Variants in WDR72 observed in about 807,000 individuals in gnomAD.
The protein encoded by WDR72 is WD repeat domain 72.
WDR72 carries 120 observed loss-of-function variants against 124.2 expected under a neutral mutation model. The observed-to-expected ratio is 0.97, with a 90% CI of 0.83 to 1.12. The LOEUF is 1.12. Ranked by LOEUF, WDR72 falls within the 50% of genes most tolerant of loss-of-function variation. WDR72 has a pLI of 0.00. For missense variants in WDR72, 1,387 were observed against 1,278.8 expected (o/e 1.08, Z -1.29); for synonymous variants, 452 against 441.7 (o/e 1.02, Z -0.29).
rs1350419918 is a variant in WDR72 at position 53,665,629 on chromosome 15, G to T, written c.1905C>A (p.Ser635Arg). The change falls in exon 14 of 20, where the codon AGC (serine) becomes AGA (arginine). Residue 635 changes from serine (S) to arginine (R), a missense_variant. Transcript: ENST00000360509. The part of the protein sequence containing the change: ...KHKSIEQRSS[S>R]PYQLGPLPCP... ...AAGGTAATGGCCCAAGCTGGTAGGG[G>T]CTGGAGGATCTCTGTTCTATACTTT... The T allele has an allele frequency of 1.2e-6, 2 of 1,613,824 alleles. No homozygotes were observed. Among genetic ancestry groups the T allele is most frequent in the Non-Finnish European group, 1.7e-6 (2 of 1,179,884 alleles).
At chr15:53,720,609 C>T (rs1281088208) in intron 3 of WDR72, among the ~76,000 whole-genome samples, 2 of 152,134 alleles carry the variant, frequency 1.3e-5, no homozygotes, top group Non-Finnish European at 1.5e-5. Flanking sequence ...TATACAATTC[C>T]AAGCTGACAG....
At chr15:53,522,445 T>G (rs1891855661) in intron 19 of WDR72, among the ~76,000 whole-genome samples, 2 of 152,172 alleles carry the variant, frequency 1.3e-5, no homozygotes, top group Non-Finnish European at 2.9e-5. Context: ...CTTTCATTCA[T>G]GATAATAAGG....
At chr15:53,552,477 A>G (rs1893772358) in intron 18 of WDR72, among the ~76,000 whole-genome samples, 1 of 152,150 alleles carries the variant, frequency 6.6e-6, no homozygotes, top group African/African-American at 2.4e-5. Context: ...TTGCACAGCT[A>G]CCCAATCTGC....
intron 2 of WDR72, among the ~76,000 whole-genome samples, 173 bp downstream of exon 2, chr15:53,732,824 T>C (rs2018239608): frequency 6.6e-6 from 1 of 152,200 alleles, no homozygotes; most frequent in Non-Finnish European, 1.5e-5. Flanking sequence ...ATAATCTTGA[T>C]CAATCATATA....
At chr15:53,631,264 C>T (rs2014417991) in intron 14 of WDR72, among the ~76,000 whole-genome samples, 1 of 152,134 alleles carries the variant, frequency 6.6e-6, no homozygotes, top group Non-Finnish European at 1.5e-5. Context: ...TCTCCAGCCA[C>T]ATGTAAAGCA....
intron 18 of WDR72, among the ~76,000 whole-genome samples, chr15:53,576,896 T>C (rs1402830524): frequency 6.6e-6 from 1 of 152,318 alleles, no homozygotes; most frequent in East Asian, 1.9e-4. Context: ...ATCTGGTTTT[T>C]ATATGTTGGA....
chr15:53,527,768 A>G (rs180749494), intron 18 of WDR72, among the ~76,000 whole-genome samples: 18 of 152,182 alleles, frequency 1.2e-4, no homozygotes, highest in African/African-American at 4.3e-4. Context: ...TCAGGGGCAC[A>G]AAAATAATGT....
At chr15:53,685,671 G>C (rs1275713866) in intron 13 of WDR72, among the ~76,000 whole-genome samples, 4 of 151,290 alleles carry the variant, frequency 2.6e-5, no homozygotes, top group Non-Finnish European at 4.4e-5. Context: ...CCCCAATCTA[G>C]CAAGGCAGGC....
chr15:53,643,918 T>C (rs1277061684), intron 14 of WDR72, among the ~76,000 whole-genome samples: 1 of 152,122 alleles, frequency 6.6e-6, no homozygotes, highest in Non-Finnish European at 1.5e-5. Context: ...CAAAAGACTA[T>C]TTTATCCATG....
intron 14 of WDR72, among the ~76,000 whole-genome samples, chr15:53,641,924 TC>T (rs2014866728): frequency 6.6e-6 from 1 of 151,898 alleles, no homozygotes; most frequent in African/African-American, 2.4e-5. Flanking sequence ...TGCTTTTCTT[TC>T]CTTCCATCTT....
At chr15:53,631,224 A>C (rs1165036305) in intron 14 of WDR72, among the ~76,000 whole-genome samples, 1 of 152,048 alleles carries the variant, frequency 6.6e-6, no homozygotes, top group Non-Finnish European at 1.5e-5. Context: ...TCGTATAAAA[A>C]GTGTGTGGCA....
rs900710445 is a variant in WDR72 at position 53,541,449 on chromosome 15, A to G, written c.3149-18127T>C. 6.6e-5 allele frequency among the ~76,000 whole-genome samples: 10 copies of G among 151,364 alleles called. No individual in the cohort carries two copies. In the East Asian group the frequency reaches 1.7e-3, roughly 26 times the overall value. On this transcript the variant is annotated intron_variant, in intron 18 of 19. Transcript: ENST00000360509. Reference sequence around the variant, plus strand: ...CTGAGGGTCCTGTCTGTTAGAAGGAAAACTAACAAACAGAAAGGACATCCA... The same window carrying G: ...CTGAGGGTCCTGTCTGTTAGAAGGAGAACTAACAAACAGAAAGGACATCCA...
intron 19 of WDR72, 44 bp downstream of exon 19, chr15:53,523,174 C>G: frequency 6.3e-7 from 1 of 1,592,514 alleles, no homozygotes; most frequent in Non-Finnish European, 8.6e-7. Context: ...AAAGCTGTGT[C>G]AAATTTATCA....
chr15:53,703,591 T>C (rs2017250723), intron 11 of WDR72, among the ~76,000 whole-genome samples: 1 of 152,034 alleles, frequency 6.6e-6, no homozygotes, highest in Non-Finnish European at 1.5e-5. Flanking sequence ...TCTATAATTT[T>C]GTAGCACTCT....
chr15:53,533,666 T>G (rs1269379873), intron 18 of WDR72, among the ~76,000 whole-genome samples: 3 of 152,152 alleles, frequency 2.0e-5, no homozygotes, highest in Non-Finnish European at 2.9e-5. Context: ...CCTTCCAATC[T>G]CAGCCTCTGA....
At chr15:53,601,760 A>G (rs2013055522) in intron 17 of WDR72, among the ~76,000 whole-genome samples, 1 of 152,158 alleles carries the variant, frequency 6.6e-6, no homozygotes, top group South Asian at 2.1e-4. Flanking sequence ...TTATTACATA[A>G]GGGTAAAGGG....
chr15:53,604,081 T>C (rs1037946244), intron 17 of WDR72, among the ~76,000 whole-genome samples: 1 of 152,136 alleles, frequency 6.6e-6, no homozygotes, highest in Non-Finnish European at 1.5e-5. Flanking sequence ...TTTCAAACTA[T>C]ACTACAGGGC....
chr15:53,711,550 T>C (rs2017539922), intron 7 of WDR72, 69 bp from the exon 8 acceptor site: 1 of 1,496,018 alleles, frequency 6.7e-7, no homozygotes, highest in African/African-American at 1.4e-5. Context: ...GAATATAAAT[T>C]ATGATAGTAA....
At chr15:53,715,835 A>G (rs1031890817) in intron 4 of WDR72, among the ~76,000 whole-genome samples, 5 of 152,218 alleles carry the variant, frequency 3.3e-5, no homozygotes, top group African/African-American at 9.6e-5. Flanking sequence ...AAAAATTAAT[A>G]GCAACAACAA....
Sources: gnomAD v4.1 joint callset for allele counts (sites outside exome capture counted in the v4.1 genomes callset) on GRCh38, gnomAD v4.1.1 for gene constraint, MANE v1.5 for transcripts, NCBI Gene and HGNC (gene_info 2026-07-23, HGNC 2026-07-21) for gene names.